ESRP1: variants seen among roughly 807,000 people sequenced by gnomAD.
The protein encoded by ESRP1 is RNA-binding motif protein 35A.
ESRP1 carries 33 observed loss-of-function variants against 81.7 expected under a neutral mutation model. That is an observed-to-expected ratio of 0.40 (90% CI 0.31 to 0.54). The LOEUF (loss-of-function observed/expected upper bound fraction) is 0.54, where lower values mean the gene tolerates loss of function less well. ESRP1 is among the 20% of genes least tolerant of loss of function. The probability of loss-of-function intolerance (pLI) is 0.41; values close to 1 mark genes in which losing one functional copy is unlikely to be tolerated. For missense variants in ESRP1, 672 were observed against 833.1 expected, an observed-to-expected ratio of 0.81 and a Z score of 2.38; for synonymous variants, 320 against 303.3, an observed-to-expected ratio of 1.06 and a Z score of -0.57.
chr8:94,664,833 A>C (rs756560428), intron 7 of ESRP1, 26 bp downstream of exon 7: 1 of 1,612,136 alleles, frequency 6.2e-7, no homozygotes, highest in East Asian at 2.2e-5. Flanking sequence ...TATCTATTTT[A>C]CTTAACAATC....
chr8:94,674,997 A>G (rs1347943869), intron 12 of ESRP1, among the ~76,000 whole-genome samples: 3 of 152,232 alleles, frequency 2.0e-5, no homozygotes, highest in African/African-American at 4.8e-5. Context: ...GATATCTGGA[A>G]TGAGCAAGTG....
chr8:94,646,516 A>C (rs971910939), intron 4 of ESRP1: 9 of 364,722 alleles, frequency 2.5e-5, no homozygotes, highest in South Asian at 3.9e-5. Context: ...GGGTGATCAC[A>C]TGTAGAATAG....
rs1204433159 is a variant in ESRP1, at chr8:94,692,812, C to T, written c.1956C>T (p.Phe652=). 1 of 1,613,320 alleles carries T rather than the reference C, an allele frequency of 6.2e-7. No individual in the cohort carries two copies. The highest frequency in any genetic ancestry group is 2.2e-5 in the East Asian group (1 of 44,874). The change falls in exon 14 of 16, where the codon TTC becomes TTT. Residue 652 remains phenylalanine (F), a synonymous_variant. Coordinates refer to ENST00000433389, the MANE Select transcript of ESRP1 (RefSeq NM_017697.4). ...CTGGAGTTAAGGAAATTCTTAACTT[C>T]TTCCAAGGTTACCAGGTCAGTAGCT... ...YNTGVKEILN[F]FQGYQYATED...
rs1554577644 is a variant in ESRP1 at position 94,667,068 on chromosome 8, G to GGGGTGTGTGTGTGTGTGTGTGTGTGT, written c.932-880_932-879insGGTGTGTGTGTGTGTGTGTGTGTGTG. Among the ~76,000 whole-genome samples, 338 of 144,312 alleles carry GGGGTGTGTGTGTGTGTGTGTGTGTGT rather than the reference G, an allele frequency of 2.3e-3. 1 individual carries two copies. The highest frequency in any genetic ancestry group is 8.4e-3 in the African/African-American group (318 of 37,958). The allele number at this position is 144,312 out of a possible 152,430, so 94.7% of individuals were successfully genotyped here. A position where few individuals can be genotyped will look rare whatever the true frequency, so the allele number is the denominator to read the frequency against. On this transcript the variant is annotated intron_variant, in intron 9 of 15. Coordinates refer to ENST00000433389, the MANE Select transcript of ESRP1 (RefSeq NM_017697.4). The stretch of plus-strand genomic sequence containing the variant: ...TAATACACAAATTAGCCAGGAGAGG[G>GGGGTGTGTGTGTGTGTGTGTGTGTGT]GTGTGTGTGTGTGTGTGTGTGTGTG...
At chr8:94,648,374 A>G (rs1482646019) in intron 4 of ESRP1, among the ~76,000 whole-genome samples, 1 of 152,206 alleles carries the variant, frequency 6.6e-6, no homozygotes, top group Non-Finnish European at 1.5e-5. Context: ...TTTTTATGTT[A>G]TATTGCTGCT....
intron 4 of ESRP1, among the ~76,000 whole-genome samples, chr8:94,647,895 A>C (rs896214752): frequency 2.6e-5 from 4 of 152,154 alleles, no homozygotes; most frequent in African/African-American, 9.7e-5. Context: ...TAATACCAGC[A>C]CTTTGGGAGG....
chr8:94,679,365 G>T (rs1808776289), intron 13 of ESRP1, among the ~76,000 whole-genome samples: 1 of 152,214 alleles, frequency 6.6e-6, no homozygotes. Context: ...TACTGTGCCA[G>T]ACACGTAGCC....
intron 14 of ESRP1, among the ~76,000 whole-genome samples, chr8:94,693,515 T>C (rs1157208099): frequency 6.6e-6 from 1 of 152,228 alleles, no homozygotes; most frequent in Non-Finnish European, 1.5e-5. Flanking sequence ...ATAGCTTTCT[T>C]TCCTCAAGTC....
At chr8:94,700,943 GTGTGTGTGTA>G (rs1219121021) in intron 15 of ESRP1, among the ~76,000 whole-genome samples, 2 of 115,840 alleles carry the variant, frequency 1.7e-5, no homozygotes, top group South Asian at 2.6e-4. Context: ...AAAAATGTGT[GTGTGTGTGTA>G]TGTGTGTGTG....
chr8:94,665,696 T>C (rs1818984160), intron 9 of ESRP1, among the ~76,000 whole-genome samples: 1 of 152,144 alleles, frequency 6.6e-6, no homozygotes, highest in African/African-American at 2.4e-5. Context: ...TTTCACCATG[T>C]TGGCCAAGCT....
chr8:94,662,608 G>C, intron 6 of ESRP1, 53 bp downstream of exon 6: 1 of 928,680 alleles, frequency 1.1e-6, no homozygotes, highest in Non-Finnish European at 1.5e-6. Context: ...TTTTTTTTTT[G>C]TCTGTTTGTT....
At chr8:94,695,307 C>T (rs1809552845) in intron 14 of ESRP1, among the ~76,000 whole-genome samples, 1 of 149,516 alleles carries the variant, frequency 6.7e-6, no homozygotes, top group African/African-American at 2.5e-5. Flanking sequence ...AGCAAATATC[C>T]AGGCAATAAT....
rs1183079330 is a variant in ESRP1 at position 94,662,280 on chromosome 8, T to G, written c.499T>G (p.Phe167Val). Reference sequence around the variant, plus strand: ...TTAATTTAATCTCACAGATTTAAATTTTGAGAAGAGTAGTTCAGTCTCTCG... The same window carrying G: ...TTAATTTAATCTCACAGATTTAAATGTTGAGAAGAGTAGTTCAGTCTCTCG... The part of the protein sequence containing the change: ...DVATMTEYLN[F>V]EKSSSVSRYG... Residue 167 changes from phenylalanine (F) to valine (V), a missense_variant, in exon 5 of 16, where the codon TTT (phenylalanine) becomes GTT (valine). By Grantham distance (50) the Phe-to-Val change is conservative. Transcript: ENST00000433389. 1.1e-5 allele frequency: 17 copies of G among 1,561,450 alleles called. No homozygotes were observed. The highest frequency in any genetic ancestry group is 1.4e-5 in the African/African-American group (1 of 73,894).
In ESRP1 at chr8:94,705,903, CTTTTTT is replaced by C. The variant is rs55760931; in HGVS notation, c.*36-9_*36-4del. Reference sequence around the variant, plus strand: ...AGACTATAACATTTCCTTTTATTCACTTTTTTTTTTTTTTTTTTCAGTGTTTGAAAG... The same window carrying C: ...AGACTATAACATTTCCTTTTATTCACTTTTTTTTTTTTCAGTGTTTGAAAG... On this transcript the variant is annotated splice_polypyrimidine_tract_variant and intron_variant, in intron 15 of 15. Transcript: ENST00000433389. The C allele has an allele frequency of 3.9e-4, 538 of 1,366,358 alleles. No individual in the cohort carries two copies. The highest frequency in any genetic ancestry group is 7.6e-4 in the Middle Eastern group (3 of 3,938). The allele number at this position is 1,366,358 out of a possible 1,614,324, so 84.6% of individuals were successfully genotyped here.
In ESRP1 at chr8:94,668,016, C is replaced by G. The variant is rs774526441; in HGVS notation, c.999C>G (p.Leu333=). The stretch of plus-strand genomic sequence containing the variant: ...AAGTCATTGTCCGCATGCGGGGGCT[C>G]CCTTTCACGGCCACAGCTGAAGAAG... ...ENQVIVRMRG[L]PFTATAEEVV... Residue 333 remains leucine, a synonymous_variant, in exon 10 of 16, where the codon CTC becomes CTG. Transcript: ENST00000433389. 1 of 1,613,692 alleles carries G rather than the reference C, an allele frequency of 6.2e-7. No individual in the cohort carries two copies. The highest frequency in any genetic ancestry group is 1.1e-5 in the South Asian group (1 of 91,046).
At chr8:94,661,862 G>A (rs1818764270) in intron 4 of ESRP1, among the ~76,000 whole-genome samples, 1 of 152,134 alleles carries the variant, frequency 6.6e-6, no homozygotes, top group African/African-American at 2.4e-5. Flanking sequence ...CAAAAAAAAA[G>A]TCATTTAATA....
rs1491529176 is a variant in ESRP1, at chr8:94,703,105, A to ATT, written c.*36-2819_*36-2818dup. ...GAAACATTATCTCCTTCTGAGATTG[A>ATT]TTGTTTTTTTTTTTTTTTTGCTAGC... On this transcript the variant is annotated intron_variant, in intron 15 of 15. Transcript: ENST00000433389. 3.0e-3 allele frequency among the ~76,000 whole-genome samples: 231 copies of ATT among 77,306 alleles called. 1 individual carries two copies. The highest frequency in any genetic ancestry group is 9.2e-3 in the African/African-American group (164 of 17,754). 50.7% of individuals were successfully genotyped at this position (77,306 alleles called of 152,430 possible). A position where few individuals can be genotyped will look rare whatever the true frequency, so the allele number is the denominator to read the frequency against.
chr8:94,681,564 G>T (rs1395766471), intron 13 of ESRP1, among the ~76,000 whole-genome samples: 1 of 152,072 alleles, frequency 6.6e-6, no homozygotes, highest in Non-Finnish European at 1.5e-5. Context: ...TTGAACCCAG[G>T]AGACGGAGGC....
intron 13 of ESRP1, among the ~76,000 whole-genome samples, chr8:94,690,301 TTTTG>T (rs1355201624): frequency 2.4e-4 from 16 of 66,916 alleles, no homozygotes; most frequent in South Asian, 1.5e-3. Flanking sequence ...TTTTTTTTTT[TTTTG>T]GATTTTTAGT....
Sources: gnomAD v4.1 joint callset for allele counts (sites outside exome capture counted in the v4.1 genomes callset) on GRCh38, gnomAD v4.1.1 for gene constraint, MANE v1.5 for transcripts, NCBI Gene and HGNC (gene_info 2026-07-23, HGNC 2026-07-21) for gene names.